The following TMEM245 variants were observed in gnomAD, a reference collection of about 807,000 sequenced individuals.
TMEM245 encodes the protein protein CG-2.
A neutral mutation model predicts 101.2 loss-of-function variants in TMEM245; 69 were observed. The observed-to-expected ratio is 0.68, with a 90% CI of 0.56 to 0.83. The LOEUF (loss-of-function observed/expected upper bound fraction) is 0.83. Ranked by LOEUF, TMEM245 falls within the 40% of genes least tolerant of loss-of-function variation. The pLI is 0.00. For synonymous variants in TMEM245, 537 were observed against 449.8 expected, an observed-to-expected ratio of 1.19 and a Z score of -2.45; for missense variants, 1,075 against 1,092.8, an observed-to-expected ratio of 0.98 and a Z score of 0.23.
intron 5 of TMEM245, among the ~76,000 whole-genome samples, chr9:109,088,606 TC>T (rs1276820456): frequency 6.6e-6 from 1 of 150,914 alleles, no homozygotes; most frequent in Non-Finnish European, 1.5e-5. Context: ...GATCACGAGA[TC>T]AGGAGATCGA....
At chr9:109,037,329 A>G (rs1255380850) in intron 15 of TMEM245, among the ~76,000 whole-genome samples, 5 of 152,182 alleles carry the variant, frequency 3.3e-5, no homozygotes, top group Admixed American at 1.3e-4. Context: ...CTGAGAGCCA[A>G]TTATGTCCTA....
At chr9:109,089,014 C>G (rs1048688712) in intron 5 of TMEM245, among the ~76,000 whole-genome samples, 5 of 151,866 alleles carry the variant, frequency 3.3e-5, no homozygotes, top group Non-Finnish European at 7.4e-5. Context: ...TGACTCACAC[C>G]TGTATAGTCC....
chr9:109,092,956 A>G (rs1830047479), intron 4 of TMEM245, among the ~76,000 whole-genome samples: 1 of 151,846 alleles, frequency 6.6e-6, no homozygotes. Context: ...TGACAGAGAA[A>G]TGGATGACTG....
chr9:109,037,471 T>C (rs1270788686), intron 15 of TMEM245, among the ~76,000 whole-genome samples: 8 of 152,196 alleles, frequency 5.3e-5, no homozygotes, highest in Admixed American at 5.2e-4. Flanking sequence ...TAAAACCTGG[T>C]GAGAGGTGAC....
intron 3 of TMEM245, among the ~76,000 whole-genome samples, chr9:109,104,133 C>A (rs1395468897): frequency 6.6e-6 from 1 of 151,808 alleles, no homozygotes; most frequent in Non-Finnish European, 1.5e-5. Flanking sequence ...TATTTGATAG[C>A]ATAACAGGGT....
chr9:109,119,562 G>C lies in TMEM245; in HGVS notation c.352C>G (p.Pro118Ala). The C allele has an allele frequency of 2.6e-6, 4 of 1,538,704 alleles. No homozygotes were observed. Among genetic ancestry groups the C allele is most frequent in the South Asian group, 1.2e-5 (1 of 83,722 alleles). The change falls in exon 1 of 18, where the codon CCC (proline) becomes GCC (alanine). Residue 118 changes from proline (P) to alanine (A), a missense_variant. By Grantham distance (27) the Pro-to-Ala change is conservative. Around this residue, in one of 2 missense-constraint regions of TMEM245, gnomAD observed 808 missense variants for 741.5 expected, o/e 1.09. Coordinates refer to ENST00000374586, the MANE Select transcript of TMEM245 (RefSeq NM_032012.4). Reference sequence around the variant, plus strand: ...AGGAGCAGCGCGGCCAGGACGATGGGCGTGTGCGCGCGGTGCAGGCGCTGC... The same window carrying C: ...AGGAGCAGCGCGGCCAGGACGATGGCCGTGTGCGCGCGGTGCAGGCGCTGC... ...WLQRLHRAHT[P>A]IVLAALLLPL...
chr9:109,035,364 G>A (rs2132319886), intron 16 of TMEM245, among the ~76,000 whole-genome samples: 1 of 152,156 alleles, frequency 6.6e-6, no homozygotes, highest in South Asian at 2.1e-4. Context: ...TAATGTGACT[G>A]AGAACTGGCT....
intron 9 of TMEM245, 59 bp from the exon 10 acceptor site, chr9:109,064,626 A>C: frequency 6.9e-7 from 1 of 1,440,072 alleles, no homozygotes; most frequent in Non-Finnish European, 9.7e-7. Context: ...TGTACCAATA[A>C]TGCTTTGAAC....
At chr9:109,112,281 C>A (rs1830586449) in intron 1 of TMEM245, among the ~76,000 whole-genome samples, 1 of 152,148 alleles carries the variant, frequency 6.6e-6, no homozygotes, top group South Asian at 2.1e-4. Context: ...TGGCTCACAC[C>A]TGTAATCCTT....
chr9:109,104,266 C>A (rs1288425701), intron 3 of TMEM245, among the ~76,000 whole-genome samples: 1 of 151,980 alleles, frequency 6.6e-6, no homozygotes, highest in Non-Finnish European at 1.5e-5. Context: ...GATTATTACA[C>A]ATTACATGCC....
intron 15 of TMEM245, among the ~76,000 whole-genome samples, chr9:109,037,372 T>C (rs947105165): frequency 2.0e-5 from 3 of 152,314 alleles, no homozygotes; most frequent in East Asian, 1.9e-4. Flanking sequence ...CATTCATTCA[T>C]TGAACAAACA....
chr9:109,090,540 G>A (rs774515507), intron 5 of TMEM245, among the ~76,000 whole-genome samples: 29 of 151,852 alleles, frequency 1.9e-4, no homozygotes, highest in Non-Finnish European at 1.8e-4. Context: ...GGCTAACATG[G>A]TGAAACGCTG....
In TMEM245 at chr9:109,054,578, C is replaced by T. The variant is rs371389360; in HGVS notation, c.1854+2613G>A. ...AAATACACTGGGAAGATTTCATGAA[C>T]GAGACTGGCCCTAAGCCACCTATTT... On this transcript the variant is annotated intron_variant, in intron 12 of 17. Coordinates refer to ENST00000374586, the MANE Select transcript of TMEM245 (RefSeq NM_032012.4). Among the ~76,000 whole-genome samples, 11 of 152,042 alleles carry T rather than the reference C, an allele frequency of 7.2e-5. No homozygotes were observed. The East Asian group carries it at 2.1e-3, about 29-fold the overall frequency.
intron 3 of TMEM245, among the ~76,000 whole-genome samples, chr9:109,101,238 A>G (rs1830273791): frequency 6.6e-6 from 1 of 152,244 alleles, no homozygotes; most frequent in African/African-American, 2.4e-5. Context: ...GAACCACAGC[A>G]CAAAACCTTC....
chr9:109,113,782 C>CT (rs1488010878), intron 1 of TMEM245, among the ~76,000 whole-genome samples: 1 of 152,134 alleles, frequency 6.6e-6, no homozygotes, highest in Non-Finnish European at 1.5e-5. Flanking sequence ...GTTTCCCAAG[C>CT]TTTTTTTAGA....
At position 109,050,603 on chromosome 9, in the gene TMEM245, G is replaced by T. The variant is rs374269166; in HGVS notation, c.1944C>A (p.Ser648Arg). 2 of 1,613,754 alleles carry T rather than the reference G, an allele frequency of 1.2e-6. No homozygotes were observed. Among genetic ancestry groups the T allele is most frequent in the Admixed American group, 1.7e-5 (1 of 59,956 alleles). ...VTTLLTILFY[S>R]GTALLNFVLS... ...GTACAAAATTGAGAAGGGCTGTCCC[G>T]CTGTAGAAGAGGATGGTCAAGAGTG... Residue 648 changes from serine to arginine, a missense_variant, in exon 13 of 18, where the codon AGC (serine) becomes AGA (arginine). This residue lies in a region of TMEM245 where 267 missense variants were observed against 351.3 expected (regional missense o/e 0.76). Coordinates refer to ENST00000374586, the MANE Select transcript of TMEM245 (RefSeq NM_032012.4).
intron 1 of TMEM245, among the ~76,000 whole-genome samples, chr9:109,119,022 C>G (rs1830811205): frequency 6.6e-6 from 1 of 152,236 alleles, no homozygotes; most frequent in Admixed American, 6.5e-5. Flanking sequence ...CCAAGCCCCA[C>G]TGCCATGCTC....
At chr9:109,114,585 T>C (rs1456953381) in intron 1 of TMEM245, among the ~76,000 whole-genome samples, 1 of 152,136 alleles carries the variant, frequency 6.6e-6, no homozygotes, top group African/African-American at 2.4e-5. Context: ...GCCACTACTC[T>C]CTCCACCTCC....
chr9:109,086,084 C>A (rs1281228062), intron 6 of TMEM245, 64 bp from the exon 7 acceptor site: 2 of 1,528,076 alleles, frequency 1.3e-6, no homozygotes, highest in Non-Finnish European at 9.1e-7. Flanking sequence ...TTAGAGAATG[C>A]AACCATAGTA....
Sources: allele counts gnomAD v4.1 joint callset (sites outside exome capture counted in the v4.1 genomes callset), GRCh38; gene constraint gnomAD v4.1.1; regional missense constraint gnomAD v4.1.1; transcripts MANE v1.5; gene names NCBI Gene and HGNC (gene_info 2026-07-23, HGNC 2026-07-21).